The following OLA1 variants were observed in gnomAD, a reference collection of about 807,000 sequenced individuals.
OLA1 encodes the protein obg-like ATPase 1.
A neutral mutation model predicts 48.4 loss-of-function variants in OLA1; 14 were observed. That is an observed-to-expected ratio of 0.29 (90% CI 0.19 to 0.45). The LOEUF is 0.45. Among genes scored for constraint, OLA1 ranks in the 20% least tolerant of loss-of-function variants. OLA1 has a pLI of 1.00. For missense variants in OLA1, 325 were observed against 467.1 expected (o/e 0.70, Z 2.80); for synonymous variants, 127 against 150.4 (o/e 0.84, Z 1.14).
chr2:174,120,114 G>C (rs1323421787), intron 7 of OLA1, among the ~76,000 whole-genome samples: 3 of 151,938 alleles, frequency 2.0e-5, no homozygotes, highest in African/African-American at 7.2e-5. Flanking sequence ...ATAATTGATG[G>C]CTGGTAGGTG....
intron 4 of OLA1, among the ~76,000 whole-genome samples, chr2:174,170,164 C>A (rs1023931896): frequency 2.6e-5 from 4 of 151,964 alleles, no homozygotes; most frequent in African/African-American, 9.7e-5. Context: ...ACCCGGGAGG[C>A]GGAACTTGCA....
chr2:174,156,304 C>T (rs544964337), intron 4 of OLA1, among the ~76,000 whole-genome samples: 1 of 152,198 alleles, frequency 6.6e-6, no homozygotes, highest in East Asian at 1.9e-4. Context: ...AACACACACG[C>T]ACACAAGCAC....
chr2:174,108,145 A>G (rs1191747207), intron 7 of OLA1, among the ~76,000 whole-genome samples: 2 of 151,156 alleles, frequency 1.3e-5, no homozygotes, highest in African/African-American at 4.9e-5. Context: ...AAAAGCGTAT[A>G]ATATTTTAAA....
At chr2:174,105,800 A>G (rs1374386651) in intron 7 of OLA1, among the ~76,000 whole-genome samples, 1 of 152,000 alleles carries the variant, frequency 6.6e-6, no homozygotes, top group African/African-American at 2.4e-5. Flanking sequence ...ATTGCAAAGG[A>G]CTGTTTTTAA....
chr2:174,182,523 G>A (rs549403428), intron 4 of OLA1, among the ~76,000 whole-genome samples: 12 of 151,902 alleles, frequency 7.9e-5, no homozygotes, highest in South Asian at 6.2e-4. Flanking sequence ...GCAAAACTCC[G>A]TCTCAAAAAA....
At chr2:174,094,754 G>A (rs1685206210) in intron 7 of OLA1, among the ~76,000 whole-genome samples, 1 of 152,178 alleles carries the variant, frequency 6.6e-6, no homozygotes, top group East Asian at 1.9e-4. Flanking sequence ...TTGTGCAACG[G>A]CTCTACAGAA....
intron 4 of OLA1, among the ~76,000 whole-genome samples, chr2:174,144,787 T>C (rs1686539332): frequency 6.6e-6 from 1 of 150,856 alleles, no homozygotes; most frequent in Non-Finnish European, 1.5e-5. Context: ...ACCTTGTCCC[T>C]AAATAAAAAA....
chr2:174,075,449 G>C lies in OLA1; in HGVS notation c.1168C>G (p.Pro390Ala), dbSNP rs199965936. The change falls in exon 11 of 11, where the codon CCT (proline) becomes GCT (alanine). Residue 390 changes from proline to alanine, a missense_variant. Pro to Ala is a conservative substitution (Grantham distance 27, BLOSUM62 -1). Transcript: ENST00000284719. ...TTTTATTTCTTCTTCGGTTGTTGAG[G>C]TGTGTTAAATTTGAAGAAGATAATA... ...GDIIFFKFNT[P>A]QQPKKK 148 of 1,596,780 alleles carry C rather than the reference G, an allele frequency of 9.3e-5. No individual in the cohort carries two copies. The South Asian group carries it at 1.5e-3, about 16-fold the overall frequency.
intron 4 of OLA1, among the ~76,000 whole-genome samples, chr2:174,221,681 A>G (rs1688509978): frequency 6.6e-6 from 1 of 152,054 alleles, no homozygotes; most frequent in Non-Finnish European, 1.5e-5. Context: ...AATTGTCCCA[A>G]ACTGAACTCA....
In OLA1 at chr2:174,075,310, G is replaced by A. The variant is rs1684709716; in HGVS notation, c.*116C>T. On this transcript the variant is annotated 3_prime_UTR_variant, in exon 11 of 11. Coordinates refer to ENST00000284719, the MANE Select transcript of OLA1 (RefSeq NM_013341.5). Reference sequence around the variant, plus strand: ...TAAAACAAATAAAAATAATTTGTTTGTCAAAGATTCCCATCTCCCCAACTT... The same window carrying A: ...TAAAACAAATAAAAATAATTTGTTTATCAAAGATTCCCATCTCCCCAACTT... The A allele has an allele frequency of 5.8e-6, 3 of 521,362 alleles. No homozygotes were observed. Among genetic ancestry groups the A allele is most frequent in the East Asian group, 3.2e-5 (1 of 31,584 alleles). The allele number at this position is 521,362 out of a possible 1,614,324, so 32.3% of individuals were successfully genotyped here. A position where few individuals can be genotyped will look rare whatever the true frequency, so the allele number is the denominator to read the frequency against.
intron 2 of OLA1, among the ~76,000 whole-genome samples, chr2:174,231,030 C>G (rs1688718090): frequency 1.3e-5 from 2 of 152,148 alleles, no homozygotes; most frequent in Admixed American, 1.3e-4. Flanking sequence ...AGAAAGAAAC[C>G]AGCAAAACAT....
At chr2:174,143,450 G>A (rs1018952692) in intron 4 of OLA1, among the ~76,000 whole-genome samples, 2 of 152,132 alleles carry the variant, frequency 1.3e-5, no homozygotes, top group African/African-American at 4.8e-5. Flanking sequence ...AAATAAAAAT[G>A]GAAGCTTCCT....
chr2:174,154,013 C>T (rs1686809533), intron 4 of OLA1, among the ~76,000 whole-genome samples: 1 of 152,092 alleles, frequency 6.6e-6, no homozygotes, highest in Non-Finnish European at 1.5e-5. Context: ...ACTACGAGTG[C>T]CTGCCACTGA....
chr2:174,152,222 C>T (rs1386764042), intron 4 of OLA1, among the ~76,000 whole-genome samples: 1 of 152,054 alleles, frequency 6.6e-6, no homozygotes, highest in African/African-American at 2.4e-5. Context: ...GCCTGGCCAA[C>T]ATAGTGAAAC....
intron 7 of OLA1, among the ~76,000 whole-genome samples, chr2:174,108,188 T>A (rs1473500141): frequency 6.6e-6 from 1 of 152,136 alleles, no homozygotes; most frequent in African/African-American, 2.4e-5. Flanking sequence ...TTTTTGGAAA[T>A]AGTTTTAAAA....
intron 2 of OLA1, among the ~76,000 whole-genome samples, chr2:174,243,207 C>T (rs1347903763): frequency 6.6e-6 from 1 of 152,164 alleles, no homozygotes; most frequent in Non-Finnish European, 1.5e-5. Flanking sequence ...TGGGGTTTCA[C>T]CACGCTGGTC....
chr2:174,105,604 A>AGGG (rs1046262023), intron 7 of OLA1, among the ~76,000 whole-genome samples: 18 of 152,018 alleles, frequency 1.2e-4, no homozygotes, highest in African/African-American at 4.3e-4. Context: ...CTGACAGAAA[A>AGGG]TCTCCAAAAA....
intron 4 of OLA1, among the ~76,000 whole-genome samples, chr2:174,156,578 C>CTTTTT (rs5836451): frequency 2.7e-4 from 20 of 74,182 alleles, no homozygotes; most frequent in East Asian, 1.1e-3. Context: ...CTCCCACACT[C>CTTTTT]TTTTTTTTTT....
In OLA1 at chr2:174,246,792, A is replaced by G. The variant is rs1197040134; in HGVS notation, c.24T>C (p.Asp8=). ...CAATGATTGGGGGTGGTTTAATTCC[A>G]TCACCTCCCTTTTTAGGGGGCATCT... is the stretch of plus-strand genomic sequence containing the variant. MPPKKGG[D]GIKPPPIIGR... The change falls in exon 2 of 11, where the codon GAT becomes GAC. Residue 8 remains aspartate, a synonymous_variant. Coordinates refer to ENST00000284719, the MANE Select transcript of OLA1 (RefSeq NM_013341.5). The G allele has an allele frequency of 1.9e-6, 3 of 1,612,470 alleles. No homozygotes were observed. Among genetic ancestry groups the G allele is most frequent in the Non-Finnish European group, 2.5e-6 (3 of 1,179,280 alleles).
Sources: allele counts gnomAD v4.1 joint callset (sites outside exome capture counted in the v4.1 genomes callset), GRCh38; gene constraint gnomAD v4.1.1; transcripts MANE v1.5; gene names NCBI Gene and HGNC (gene_info 2026-07-23, HGNC 2026-07-21).